The following MICU1 variants were observed in gnomAD, a reference collection of about 807,000 sequenced individuals.
MICU1 encodes calcium uptake protein 1, mitochondrial.
Under a neutral mutation model 56.8 loss-of-function variants are expected in MICU1, and 45 were observed. The ratio of observed to expected loss-of-function variants is 0.79; its 90% CI spans 0.62 to 1.02. The LOEUF (loss-of-function observed/expected upper bound fraction) is 1.02. Ranked by LOEUF, MICU1 falls within the 50% of genes least tolerant of loss-of-function variation. The pLI is 0.00. For synonymous variants in MICU1, 186 were observed against 195.1 expected (o/e 0.95, Z 0.39); for missense variants, 504 against 587.1 (o/e 0.86, Z 1.46).
chr10:72,489,448 A>G (rs1589271320), intron 6 of MICU1, among the ~76,000 whole-genome samples: 1 of 152,196 alleles, frequency 6.6e-6, no homozygotes, highest in African/African-American at 2.4e-5. Context: ...TACGTGGCCA[A>G]TAAATGGTAG....
chr10:72,576,835 A>G (rs2132498078), intron 1 of MICU1, among the ~76,000 whole-genome samples: 1 of 152,310 alleles, frequency 6.6e-6, no homozygotes, highest in South Asian at 2.1e-4. Context: ...CTTTAAGTTG[A>G]AGGCAACGCT....
intron 1 of MICU1, among the ~76,000 whole-genome samples, chr10:72,598,438 T>C (rs969475712): frequency 1.3e-5 from 2 of 151,978 alleles, no homozygotes; most frequent in Admixed American, 6.6e-5. Flanking sequence ...GTATTTTTAG[T>C]AGAAACAGGG....
intron 4 of MICU1, among the ~76,000 whole-genome samples, chr10:72,543,637 C>T (rs777857762): frequency 5.3e-5 from 8 of 152,262 alleles, no homozygotes; most frequent in East Asian, 3.9e-4. Flanking sequence ...GGGCAGATCA[C>T]GAGGTCAGGA....
intron 5 of MICU1, among the ~76,000 whole-genome samples, chr10:72,530,329 A>AAC (rs1839441323): frequency 1.7e-5 from 1 of 58,150 alleles, no homozygotes; most frequent in Non-Finnish European, 5.1e-5. Flanking sequence ...GCGAAACTCC[A>AAC]TATCAAAATA....
intron 1 of MICU1, among the ~76,000 whole-genome samples, chr10:72,599,538 T>C (rs1030470424): frequency 6.6e-6 from 1 of 152,072 alleles, no homozygotes; most frequent in South Asian, 2.1e-4. Context: ...GCTTATCAGA[T>C]CAACTGTTCA....
At chr10:72,530,453 A>C (rs1839448333) in intron 5 of MICU1, among the ~76,000 whole-genome samples, 1 of 151,612 alleles carries the variant, frequency 6.6e-6, no homozygotes, top group South Asian at 2.1e-4. Flanking sequence ...TTCTAAGAGA[A>C]AATCCGAACT....
Position 72,508,285 on chromosome 10 carries a change from G to A in MICU1, c.538-16C>T. 1.5e-6 allele frequency: 2 copies of A among 1,294,214 alleles called. No individual in the cohort carries two copies. Among genetic ancestry groups the A allele is most frequent in the Non-Finnish European group, 1.1e-6 (1 of 940,474 alleles). 80.2% of individuals were successfully genotyped at this position (1,294,214 alleles called of 1,614,324 possible). On this transcript the variant is annotated splice_polypyrimidine_tract_variant and intron_variant, in intron 5 of 11. Coordinates refer to ENST00000361114, the MANE Select transcript of MICU1 (RefSeq NM_001195518.2). ...GGGAAATTTTCTATAGAATGTATGG[G>A]TCCCACCAAAAGACAAAAATATATA...
At chr10:72,615,522 G>A (rs1359447120) in intron 1 of MICU1, among the ~76,000 whole-genome samples, 2 of 152,096 alleles carry the variant, frequency 1.3e-5, no homozygotes. Flanking sequence ...TTTTTGGCAA[G>A]AATTCTGCAT....
intron 6 of MICU1, among the ~76,000 whole-genome samples, chr10:72,499,083 A>C (rs1866944826): frequency 6.6e-6 from 1 of 152,224 alleles, no homozygotes; most frequent in East Asian, 1.9e-4. Context: ...TAATAAGGAG[A>C]ACCTCAAGGG....
chr10:72,544,191 A>G (rs1839843901), intron 4 of MICU1, among the ~76,000 whole-genome samples: 1 of 152,182 alleles, frequency 6.6e-6, no homozygotes, highest in Non-Finnish European at 1.5e-5. Flanking sequence ...TCAATTGATC[A>G]TGACCCTCTC....
In MICU1 at chr10:72,367,978, T is replaced by C; in HGVS notation, c.*217A>G. 2.1e-6 allele frequency: 1 copy of C among 486,574 alleles called. No individual in the cohort carries two copies. The highest frequency in any genetic ancestry group is 3.6e-6 in the Non-Finnish European group (1 of 274,106). 30.1% of individuals were successfully genotyped at this position (486,574 alleles called of 1,614,324 possible). ...CTGAGCTTTACAGACTTGTTCATGT[T>C]TTTGAGAACCTATGGGGATACTCAT... On this transcript the variant is annotated 3_prime_UTR_variant, in exon 12 of 12. Coordinates refer to ENST00000361114, the MANE Select transcript of MICU1 (RefSeq NM_001195518.2).
At chr10:72,616,831 T>C (rs1841994833) in intron 1 of MICU1, among the ~76,000 whole-genome samples, 1 of 152,206 alleles carries the variant, frequency 6.6e-6, no homozygotes, top group South Asian at 2.1e-4. Flanking sequence ...TCTGCAGCTA[T>C]TTCCAGTTTT....
intron 1 of MICU1, among the ~76,000 whole-genome samples, chr10:72,579,588 T>C (rs554527364): frequency 6.6e-6 from 1 of 152,198 alleles, no homozygotes; most frequent in East Asian, 1.9e-4. Flanking sequence ...TTTTTTCATT[T>C]TATTAATAGT....
chr10:72,424,000 G>A (rs574033519), intron 8 of MICU1, among the ~76,000 whole-genome samples: 13 of 152,320 alleles, frequency 8.5e-5, no homozygotes, highest in African/African-American at 2.4e-4. Context: ...AGCTCAGTAA[G>A]TTGACAGAGA....
At chr10:72,566,039 C>CTTTTTTTTTTTT (rs11376019) in intron 2 of MICU1, among the ~76,000 whole-genome samples, 4 of 69,822 alleles carry the variant, frequency 5.7e-5, no homozygotes, top group African/African-American at 1.1e-4. Context: ...CATTCATTTT[C>CTTTTTTTTTTTT]TTTTTTTTTT....
chr10:72,463,225 G>A (rs1179727805), intron 8 of MICU1, among the ~76,000 whole-genome samples: 2 of 152,080 alleles, frequency 1.3e-5, no homozygotes, highest in Non-Finnish European at 2.9e-5. Flanking sequence ...TACCACACCT[G>A]GCTAATTTTG....
chr10:72,489,348 C>G (rs897410415), intron 6 of MICU1, among the ~76,000 whole-genome samples: 10 of 150,972 alleles, frequency 6.6e-5, no homozygotes, highest in African/African-American at 2.4e-4. Flanking sequence ...AAGGAACTAA[C>G]TTATATATCT....
At chr10:72,475,770 A>T in intron 7 of MICU1, 1 of 448,334 alleles carries the variant, frequency 2.2e-6, no homozygotes, top group Non-Finnish European at 4.5e-6. Flanking sequence ...TTATTTTATA[A>T]ATAAGATTGA....
intron 1 of MICU1, among the ~76,000 whole-genome samples, chr10:72,585,493 G>T (rs1386245957): frequency 2.0e-5 from 3 of 151,568 alleles, no homozygotes; most frequent in Non-Finnish European, 4.4e-5. Flanking sequence ...TCAGGAGCTC[G>T]ACACCAGCCT....
Sources: allele counts gnomAD v4.1 joint callset (sites outside exome capture counted in the v4.1 genomes callset), GRCh38; gene constraint gnomAD v4.1.1; transcripts MANE v1.5; gene names NCBI Gene and HGNC (gene_info 2026-07-23, HGNC 2026-07-21).